Variants in ASPH observed in about 807,000 individuals in gnomAD.
ASPH encodes aspartate beta-hydroxylase.
Under a neutral mutation model 118.4 loss-of-function variants are expected in ASPH, and 100 were observed. That is an observed-to-expected ratio of 0.84 (90% confidence interval 0.72 to 1.00). ASPH has a LOEUF of 1.00. Ranked by LOEUF, ASPH falls within the 50% of genes least tolerant of loss-of-function variation. The pLI, the probability that ASPH is intolerant of heterozygous loss-of-function variation, is 0.00. For missense variants in ASPH, 920 were observed against 919.5 expected (o/e 1.00, Z -0.01); for synonymous variants, 315 against 325.6 (o/e 0.97, Z 0.35).
intron 7 of ASPH, 107 bp from the exon 8 acceptor site, chr8:61,644,108 A>G: frequency 1.2e-6 from 1 of 859,446 alleles, no homozygotes; most frequent in Middle Eastern, 2.9e-4. Flanking sequence ...TGCAAAATCA[A>G]GTCATAATGA....
chr8:61,632,733 T>C, intron 13 of ASPH: 1 of 371,120 alleles, frequency 2.7e-6, no homozygotes, highest in South Asian at 2.2e-5. Flanking sequence ...ATCCCACATA[T>C]AACTAAATAT....
At chr8:61,532,332 T>G (rs958873533) in intron 21 of ASPH, among the ~76,000 whole-genome samples, 1 of 152,186 alleles carries the variant, frequency 6.6e-6, no homozygotes, top group African/African-American at 2.4e-5. Flanking sequence ...TGCAGGTCTT[T>G]GAAAAAATGT....
At chr8:61,622,067 C>T (rs1333730048) in intron 13 of ASPH, among the ~76,000 whole-genome samples, 1 of 152,206 alleles carries the variant, frequency 6.6e-6, no homozygotes, top group Non-Finnish European at 1.5e-5. Context: ...CAGCCAGGCA[C>T]AGTGGCTCAT....
intron 3 of ASPH, chr8:61,680,749 T>A (rs964390982): frequency 3.0e-6 from 1 of 337,378 alleles, no homozygotes; most frequent in African/African-American, 2.1e-5. Flanking sequence ...AAAAGATATA[T>A]GTGTAAGAGA....
intron 21 of ASPH, among the ~76,000 whole-genome samples, chr8:61,541,267 G>A (rs1821850212): frequency 6.6e-6 from 1 of 152,208 alleles, no homozygotes; most frequent in Admixed American, 6.5e-5. Context: ...GGGAGGCTAA[G>A]GCAGGAGAAT....
rs73267206 is a variant in ASPH at position 61,620,185 on chromosome 8, G to A, written c.935-1166C>T. 1.0e-3 allele frequency among the ~76,000 whole-genome samples: 154 copies of A among 152,288 alleles called. 1 individual carries two copies. Among genetic ancestry groups the A allele is most frequent in the African/African-American group, 3.6e-3 (149 of 41,558 alleles). On this transcript the variant is annotated intron_variant, in intron 13 of 24. Coordinates refer to ENST00000379454, the MANE Select transcript of ASPH (RefSeq NM_004318.4). ...AGGAAAACTAACTTTGAAATCTAGCGTGCCAGGCTAAGTGCTAAGCACATC... is the reference window on the plus strand; with the variant it reads ...AGGAAAACTAACTTTGAAATCTAGCATGCCAGGCTAAGTGCTAAGCACATC...
chr8:61,705,164 T>TA (rs1401840828), intron 1 of ASPH, among the ~76,000 whole-genome samples: 2 of 152,112 alleles, frequency 1.3e-5, no homozygotes, highest in African/African-American at 4.8e-5. Flanking sequence ...ACCATGTTCT[T>TA]ATTAATATTT....
At chr8:61,701,325 A>G (rs969678852) in intron 1 of ASPH, among the ~76,000 whole-genome samples, 3 of 152,250 alleles carry the variant, frequency 2.0e-5, no homozygotes, top group Non-Finnish European at 2.9e-5. Flanking sequence ...CCAAATCAGT[A>G]AAAGTACTTA....
At chr8:61,634,779 T>C (rs1857033868) in intron 12 of ASPH, among the ~76,000 whole-genome samples, 1 of 152,228 alleles carries the variant, frequency 6.6e-6, no homozygotes, top group Non-Finnish European at 1.5e-5. Context: ...TCTTTTACTT[T>C]TGTTATTCTA....
At chr8:61,655,648 C>T (rs1475672769) in intron 3 of ASPH, among the ~76,000 whole-genome samples, 1 of 152,180 alleles carries the variant, frequency 6.6e-6, no homozygotes, top group Non-Finnish European at 1.5e-5. Flanking sequence ...AACATTCCGA[C>T]ATACAATGCC....
At chr8:61,663,791 T>C in intron 3 of ASPH, 2 of 978,692 alleles carry the variant, frequency 2.0e-6, no homozygotes, top group Non-Finnish European at 2.4e-6. Flanking sequence ...TGTTGTATAA[T>C]TCTATTGAGT....
chr8:61,548,900 A>G (rs896839402), intron 20 of ASPH, among the ~76,000 whole-genome samples: 4 of 152,196 alleles, frequency 2.6e-5, no homozygotes, highest in Non-Finnish European at 4.4e-5. Context: ...TGCCTCCAAG[A>G]CTAGCCTTTT....
intron 1 of ASPH, among the ~76,000 whole-genome samples, chr8:61,700,074 C>T (rs1208540515): frequency 6.6e-6 from 1 of 152,194 alleles, no homozygotes; most frequent in Non-Finnish European, 1.5e-5. Context: ...ACAATGGGCT[C>T]CCAAGAGCAA....
rs769377583 is a variant in ASPH at position 61,503,509 on chromosome 8, C to T, written c.2127G>A (p.Lys709=). ...GCKIRCANET[K]TWEEGKVLIF... ...TGAGCACCTTGCCTTCCTCCCAGGTCCTGCAGCAGAAAGACAAGGATTCCT... is the reference window on the plus strand; with the variant it reads ...TGAGCACCTTGCCTTCCTCCCAGGTTCTGCAGCAGAAAGACAAGGATTCCT... The change falls in exon 25 of 25, where the codon AAG becomes AAA. Residue 709 remains lysine (K), a splice_region_variant and synonymous_variant. Coordinates refer to ENST00000379454, the MANE Select transcript of ASPH (RefSeq NM_004318.4). 1 of 1,609,866 alleles carries T rather than the reference C, an allele frequency of 6.2e-7. No homozygotes were observed. The highest frequency in any genetic ancestry group is 1.1e-5 in the South Asian group (1 of 90,278).
intron 3 of ASPH, chr8:61,675,815 C>A: frequency 1.6e-6 from 2 of 1,260,646 alleles, no homozygotes; most frequent in Non-Finnish European, 1.0e-6. Context: ...CCAATTATAC[C>A]ACCAAGAACA....
At chr8:61,504,073 A>G (rs1318189226) in intron 24 of ASPH, among the ~76,000 whole-genome samples, 4 of 152,216 alleles carry the variant, frequency 2.6e-5, no homozygotes, top group Non-Finnish European at 2.9e-5. Flanking sequence ...TCTTCTATGC[A>G]AGTGGGTTAT....
Position 61,630,321 on chromosome 8 carries a change from T to C in ASPH, c.934+3362A>G, listed in dbSNP as rs139082819. 1.0e-3 allele frequency among the ~76,000 whole-genome samples: 153 copies of C among 152,192 alleles called. 1 individual carries two copies. The highest frequency in any genetic ancestry group is 3.4e-3 in the Middle Eastern group (1 of 294). ...TAAAAGAATTTTAAAGATTGAAAAATGGCAAGGAGGTAGGCCCTATAATTA... is the reference window on the plus strand; with the variant it reads ...TAAAAGAATTTTAAAGATTGAAAAACGGCAAGGAGGTAGGCCCTATAATTA... On this transcript the variant is annotated intron_variant, in intron 13 of 24. Transcript: ENST00000379454.
At chr8:61,710,409 A>C (rs1006216050) in intron 1 of ASPH, among the ~76,000 whole-genome samples, 1 of 152,214 alleles carries the variant, frequency 6.6e-6, no homozygotes, top group Non-Finnish European at 1.5e-5. Flanking sequence ...TCTGTTGATA[A>C]CTGGCTGAAA....
chr8:61,694,960 C>G (rs1244790740), intron 1 of ASPH, among the ~76,000 whole-genome samples: 1 of 152,160 alleles, frequency 6.6e-6, no homozygotes, highest in African/African-American at 2.4e-5. Context: ...ACTTTTGTCC[C>G]AAAAACTCAC....
Sources: gnomAD v4.1 joint callset for allele counts (sites outside exome capture counted in the v4.1 genomes callset) on GRCh38, gnomAD v4.1.1 for gene constraint, MANE v1.5 for transcripts, NCBI Gene and HGNC (gene_info 2026-07-23, HGNC 2026-07-21) for gene names.